The following TF variants were observed in gnomAD, a reference collection of about 807,000 sequenced individuals.
The protein encoded by TF is transferrin.
Under a neutral mutation model 82.4 loss-of-function variants are expected in TF, and 55 were observed. The observed-to-expected ratio is 0.67, with a 90% CI of 0.54 to 0.84. The LOEUF (loss-of-function observed/expected upper bound fraction) is 0.84, where lower values mean the gene tolerates loss of function less well. Ranked by LOEUF, TF falls within the 40% of genes least tolerant of loss-of-function variation. The pLI, the probability that TF is intolerant of heterozygous loss-of-function variation, is 0.00. For synonymous variants in TF, 332 were observed against 332.6 expected, an observed-to-expected ratio of 1.00 and a Z score of 0.02; for missense variants, 737 against 868.4, an observed-to-expected ratio of 0.85 and a Z score of 1.90.
At chr3:133,756,644 A>G (rs1472632825) in intron 6 of TF, among the ~76,000 whole-genome samples, 187 bp from the exon 7 acceptor site, 2 of 152,190 alleles carry the variant, frequency 1.3e-5, no homozygotes, top group Non-Finnish European at 2.9e-5. Context: ...TCACTGCTAC[A>G]TGGGCATCAG....
the TF span, among the ~76,000 whole-genome samples, chr3:133,663,903 G>A: frequency 1.5e-4 from 23 of 152,294 alleles, no homozygotes; most frequent in African/African-American, 5.5e-4. Flanking sequence ...TGATACCAGA[G>A]GAGTGACCTG....
the TF span, among the ~76,000 whole-genome samples, chr3:133,678,640 T>G: frequency 6.6e-6 from 1 of 152,270 alleles, no homozygotes; most frequent in East Asian, 1.9e-4. Flanking sequence ...CTTAAGTTTG[T>G]TGGCCGCATA....
upstream of TF, among the ~76,000 whole-genome samples, chr3:133,743,808 T>C (rs1039511255): frequency 6.6e-6 from 1 of 152,198 alleles, no homozygotes; most frequent in Non-Finnish European, 1.5e-5. Context: ...AGCGCTGTAA[T>C]GTTAACCTCT....
At chr3:133,716,959 A>G in the TF span, among the ~76,000 whole-genome samples, 1 of 152,044 alleles carries the variant, frequency 6.6e-6, no homozygotes, top group Non-Finnish European at 1.5e-5. Context: ...TCAGATCATC[A>G]TGGCTAGTTT....
the TF span, among the ~76,000 whole-genome samples, chr3:133,732,828 A>G: frequency 1.7e-5 from 1 of 58,714 alleles, no homozygotes; most frequent in South Asian, 8.1e-4. Context: ...CGGACACATT[A>G]TGATCCTCAT....
At chr3:133,686,924 A>G in the TF span, among the ~76,000 whole-genome samples, 2 of 152,272 alleles carry the variant, frequency 1.3e-5, no homozygotes, top group Non-Finnish European at 2.9e-5. Flanking sequence ...TATTCACAAT[A>G]GCAAAGACTT....
At chr3:133,736,631 C>CAAAAA in the TF span, among the ~76,000 whole-genome samples, 92 of 32,552 alleles carry the variant, frequency 2.8e-3, 6 homozygotes, top group African/African-American at 9.0e-3. Flanking sequence ...AATGGAAAGC[C>CAAAAA]AAAAAAAAAA....
chr3:133,672,459 T>TAA, the TF span, among the ~76,000 whole-genome samples: 117 of 107,430 alleles, frequency 1.1e-3, no homozygotes, highest in African/African-American at 3.8e-3. Flanking sequence ...CAAAAAATCC[T>TAA]AAAAAAAAAA....
chr3:133,741,738 A>C (rs964153467), upstream of TF, among the ~76,000 whole-genome samples: 1 of 152,226 alleles, frequency 6.6e-6, no homozygotes, highest in Non-Finnish European at 1.5e-5. Flanking sequence ...GATACTTGAA[A>C]AGATAGCTTA....
At chr3:133,752,078 C>G (rs968195114) in intron 2 of TF, among the ~76,000 whole-genome samples, 4 of 149,424 alleles carry the variant, frequency 2.7e-5, no homozygotes, top group African/African-American at 9.8e-5. Flanking sequence ...GTTCATGGAA[C>G]TATAGCTTTT....
In TF at chr3:133,764,173, T is replaced by C; in HGVS notation, c.1204-9T>C. ...TTTTCATCTGCTGTGATTTGCTGTG[T>C]CTTTGCAGAATGGAGAAGCTGATGC... On this transcript the variant is annotated splice_polypyrimidine_tract_variant and intron_variant, in intron 9 of 16. Coordinates refer to ENST00000402696, the MANE Select transcript of TF (RefSeq NM_001063.4). 6.2e-7 allele frequency: 1 copy of C among 1,613,318 alleles called. No individual in the cohort carries two copies. The highest frequency in any genetic ancestry group is 8.5e-7 in the Non-Finnish European group (1 of 1,179,346).
At position 133,792,265 on chromosome 3, in the gene TF, G is replaced by T. The variant is rs1258293470; in HGVS notation, c.*13645G>T. The T allele has an allele frequency of 1.7e-4, 26 of 152,170 alleles. No individual in the cohort carries two copies. Among genetic ancestry groups the T allele is most frequent in the Non-Finnish European group, 1.5e-5 (1 of 68,030 alleles). 9.4% of individuals were successfully genotyped at this position (152,170 alleles called of 1,614,324 possible). A position where few individuals can be genotyped will look rare whatever the true frequency, so the allele number is the denominator to read the frequency against. On this transcript the variant is annotated 3_prime_UTR_variant, in exon 17 of 17. Transcript: ENST00000402696. ...AAATTCGTGTCCTAAAGTAAAATAA[G>T]CGGTTGTTAAAAAAGAGGGATGTTT...
At chr3:133,737,495 C>CAA in the TF span, among the ~76,000 whole-genome samples, 202 of 149,512 alleles carry the variant, frequency 1.4e-3, no homozygotes, top group Non-Finnish European at 2.2e-3. Context: ...TAGAGACACA[C>CAA]AAAAAAAAAC....
the TF span, among the ~76,000 whole-genome samples, chr3:133,713,004 G>A: frequency 6.6e-6 from 1 of 152,194 alleles, no homozygotes; most frequent in African/African-American, 2.4e-5. Context: ...AGACCCAGAT[G>A]ATTTAGGGCA....
chr3:133,739,156 C>T, the TF span, among the ~76,000 whole-genome samples: 1,008 of 152,124 alleles, frequency 6.6e-3, 8 homozygotes, highest in African/African-American at 0.022. Flanking sequence ...CAAAAAATAA[C>T]GCCACACATC....
chr3:133,723,637 TTTATTATTATTATTA>T, the TF span, among the ~76,000 whole-genome samples: 2 of 143,570 alleles, frequency 1.4e-5, no homozygotes, highest in East Asian at 2.0e-4. Flanking sequence ...GTTTGGTTCT[TTTATTATTATTATTA>T]TTATTATTAT....
At chr3:133,751,822 T>A (rs1933679916) in intron 2 of TF, among the ~76,000 whole-genome samples, 1 of 151,746 alleles carries the variant, frequency 6.6e-6, no homozygotes, top group African/African-American at 2.4e-5. Flanking sequence ...TGAAACCCCA[T>A]CTCTACTAAA....
At chr3:133,735,730 A>T in the TF span, among the ~76,000 whole-genome samples, 1 of 152,234 alleles carries the variant, frequency 6.6e-6, no homozygotes, top group East Asian at 1.9e-4. Flanking sequence ...ACTTAATGAA[A>T]TAAAGCATGA....
At position 133,788,378 on chromosome 3, in the gene TF, G is replaced by A. The variant is rs567047252; in HGVS notation, c.*9758G>A. 1.2e-4 allele frequency: 18 copies of A among 152,316 alleles called. No homozygotes were observed. The highest frequency in any genetic ancestry group is 2.2e-4 in the African/African-American group (9 of 41,576). 9.4% of individuals were successfully genotyped at this position (152,316 alleles called of 1,614,324 possible). A position where few individuals can be genotyped will look rare whatever the true frequency, so the allele number is the denominator to read the frequency against. ...AAACCTTGAGAGGGTATTTAAACCC[G>A]AGAAAATTCTGTAACTGGGCTCTTG... On this transcript the variant is annotated 3_prime_UTR_variant, in exon 17 of 17. Transcript: ENST00000402696.
Sources: allele counts gnomAD v4.1 joint callset (sites outside exome capture counted in the v4.1 genomes callset), GRCh38; gene constraint gnomAD v4.1.1; transcripts MANE v1.5; gene names NCBI Gene and HGNC (gene_info 2026-07-23, HGNC 2026-07-21).